Variants in SDC2 observed in about 807,000 individuals in gnomAD.
SDC2 encodes the protein syndecan 2.
In SDC2, 13 loss-of-function variants were observed where a neutral mutation model predicts 22.2. That is an observed-to-expected ratio of 0.59 (90% CI 0.38 to 0.93). SDC2 has a LOEUF of 0.93. Ranked by LOEUF, SDC2 falls within the 40% of genes least tolerant of loss-of-function variation. The pLI is 0.00. For synonymous variants in SDC2, 94 were observed against 92.8 expected (o/e 1.01, Z -0.07); for missense variants, 235 against 246.8 (o/e 0.95, Z 0.32).
intron 2 of SDC2, among the ~76,000 whole-genome samples, 157 bp from the exon 3 acceptor site, chr8:96,602,238 G>T (rs908316088): frequency 6.6e-6 from 1 of 152,194 alleles, no homozygotes; most frequent in Non-Finnish European, 1.5e-5. Flanking sequence ...TCTTCATCAT[G>T]GTGAAGACCA....
rs146852791 is a variant in SDC2 at position 96,496,209 on chromosome 8, A to C, written c.60+1878A>C. 5.9e-3 allele frequency among the ~76,000 whole-genome samples: 899 copies of C among 152,280 alleles called. 12 individuals carry two copies. The highest frequency in any genetic ancestry group is 7.0e-3 in the Non-Finnish European group (473 of 68,026). On this transcript the variant is annotated intron_variant, in intron 1 of 4. Coordinates refer to ENST00000302190, the MANE Select transcript of SDC2 (RefSeq NM_002998.4). ...GTCTTCTGCTCCTCTGGGTTTTTGCATAAATCTACCAGTGCTCCTTAAGGA... is the reference window on the plus strand; with the variant it reads ...GTCTTCTGCTCCTCTGGGTTTTTGCCTAAATCTACCAGTGCTCCTTAAGGA...
intron 1 of SDC2, among the ~76,000 whole-genome samples, chr8:96,522,850 G>GA (rs1180034663): frequency 6.7e-5 from 10 of 149,166 alleles, no homozygotes; most frequent in Non-Finnish European, 1.5e-4. Flanking sequence ...ACCCTGACCA[G>GA]AAGAAGTAAC....
rs142748948 is a variant in SDC2 at position 96,589,359 on chromosome 8, A to C, written c.61-4121A>C. On this transcript the variant is annotated intron_variant, in intron 1 of 4. Transcript: ENST00000302190. ...CTGCAGCTGAGGCCACTTGGTAAAGAACTTTTTTCCAGGCTAAGGACTTTT... is the reference window on the plus strand; with the variant it reads ...CTGCAGCTGAGGCCACTTGGTAAAGCACTTTTTTCCAGGCTAAGGACTTTT... Among the ~76,000 whole-genome samples, 327 of 151,918 alleles carry C rather than the reference A, an allele frequency of 2.2e-3. 12 individuals carry two copies. The East Asian group carries it at 0.057, about 26-fold the overall frequency.
intron 1 of SDC2, among the ~76,000 whole-genome samples, chr8:96,519,214 T>C (rs146720842): frequency 6.6e-6 from 1 of 152,190 alleles, no homozygotes; most frequent in East Asian, 1.9e-4. Flanking sequence ...CAGAGTGCAG[T>C]GCTTCCTGTA....
chr8:96,499,134 A>G (rs529296461), intron 1 of SDC2, among the ~76,000 whole-genome samples: 2 of 152,234 alleles, frequency 1.3e-5, no homozygotes, highest in African/African-American at 2.4e-5. Context: ...TATCACTATC[A>G]TGAACACTCC....
chr8:96,597,119 T>C (rs1434539122), intron 2 of SDC2, among the ~76,000 whole-genome samples: 1 of 152,198 alleles, frequency 6.6e-6, no homozygotes, highest in African/African-American at 2.4e-5. Context: ...CCCGGGGGTA[T>C]TTCAGGAACA....
At chr8:96,564,298 A>C (rs1327748376) in intron 1 of SDC2, among the ~76,000 whole-genome samples, 1 of 152,226 alleles carries the variant, frequency 6.6e-6, no homozygotes, top group Non-Finnish European at 1.5e-5. Context: ...GATACATGTC[A>C]TCTGTCCAGG....
intron 1 of SDC2, among the ~76,000 whole-genome samples, chr8:96,542,112 C>T (rs1428215402): frequency 6.6e-6 from 1 of 152,196 alleles, no homozygotes; most frequent in Non-Finnish European, 1.5e-5. Context: ...ATTTTCACTT[C>T]TCCCCAGCTT....
At chr8:96,535,849 A>G (rs1813746247) in intron 1 of SDC2, among the ~76,000 whole-genome samples, 1 of 152,228 alleles carries the variant, frequency 6.6e-6, no homozygotes. Flanking sequence ...GGATGTTGTG[A>G]ATGGGTTTTG....
At chr8:96,528,269 ATTT>A (rs938930214) in intron 1 of SDC2, among the ~76,000 whole-genome samples, 4 of 152,054 alleles carry the variant, frequency 2.6e-5, no homozygotes, top group African/African-American at 9.7e-5. Flanking sequence ...GAGAAAGAGG[ATTT>A]TTTTTAAGCC....
intron 1 of SDC2, among the ~76,000 whole-genome samples, chr8:96,569,324 T>C (rs947722645): frequency 6.6e-6 from 1 of 152,198 alleles, no homozygotes; most frequent in African/African-American, 2.4e-5. Flanking sequence ...CTTTTTCTTA[T>C]ACTCTCAGCC....
chr8:96,509,434 C>T (rs554066453), intron 1 of SDC2, among the ~76,000 whole-genome samples: 1 of 141,996 alleles, frequency 7.0e-6, no homozygotes, highest in African/African-American at 2.5e-5. Context: ...GAGGACAGAC[C>T]GATTTTTTTC....
chr8:96,565,244 C>T (rs1254841622), intron 1 of SDC2, among the ~76,000 whole-genome samples: 1 of 151,148 alleles, frequency 6.6e-6, no homozygotes, highest in Non-Finnish European at 1.5e-5. Flanking sequence ...GCCACCACAC[C>T]CAGCTAATTT....
At chr8:96,576,374 G>GTTTTTTTTTTTTTTTTTTTTTTTT (rs1225034584) in intron 1 of SDC2, among the ~76,000 whole-genome samples, 1 of 40,632 alleles carries the variant, frequency 2.5e-5, no homozygotes, top group African/African-American at 8.7e-5. Flanking sequence ...GTTTGTTTTT[G>GTTTTTTTTTTTTTTTTTTTTTTTT]TTTTGTTTTG....
chr8:96,556,040 A>G lies in SDC2; in HGVS notation c.61-37440A>G, dbSNP rs534606660. Among the ~76,000 whole-genome samples, 227 of 139,400 alleles carry G rather than the reference A, an allele frequency of 1.6e-3. 2 individuals carry two copies. Among genetic ancestry groups the G allele is most frequent in the African/African-American group, 6.6e-3 (214 of 32,470 alleles). 91.5% of individuals were successfully genotyped at this position (139,400 alleles called of 152,430 possible). Reference sequence around the variant, plus strand: ...GGAATGAATTATTAGAATATCACACACACACACACACACACATACACACAC... The same window carrying G: ...GGAATGAATTATTAGAATATCACACGCACACACACACACACATACACACAC... On this transcript the variant is annotated intron_variant, in intron 1 of 4. Transcript: ENST00000302190.
chr8:96,545,294 T>C (rs1031276111), intron 1 of SDC2, among the ~76,000 whole-genome samples: 1 of 152,228 alleles, frequency 6.6e-6, no homozygotes, highest in Non-Finnish European at 1.5e-5. Flanking sequence ...TGTTTACATT[T>C]CACTCCATTT....
At chr8:96,570,429 CAAAAACA>C (rs550454556) in intron 1 of SDC2, among the ~76,000 whole-genome samples, 38 of 151,964 alleles carry the variant, frequency 2.5e-4, no homozygotes, top group African/African-American at 8.2e-4. Context: ...TTAGAGCAGG[CAAAAACA>C]AAAAACAAAA....
intron 1 of SDC2, among the ~76,000 whole-genome samples, chr8:96,574,016 C>T (rs1345935849): frequency 6.6e-6 from 1 of 151,450 alleles, no homozygotes; most frequent in Non-Finnish European, 1.5e-5. Flanking sequence ...CCTATTCTCC[C>T]CCTGCCCTCT....
intron 1 of SDC2, chr8:96,529,328 T>A (rs954904480): frequency 1.5e-4 from 23 of 152,346 alleles, no homozygotes; most frequent in African/African-American, 5.1e-4. Context: ...TAATTATCTC[T>A]GGTGATTGAC....
Sources: gnomAD v4.1 joint callset for allele counts (sites outside exome capture counted in the v4.1 genomes callset) on GRCh38, gnomAD v4.1.1 for gene constraint, MANE v1.5 for transcripts, NCBI Gene and HGNC (gene_info 2026-07-23, HGNC 2026-07-21) for gene names.